Variants in CALN1 observed in about 807,000 individuals in gnomAD.
CALN1 encodes calcium-binding protein 8.
CALN1 carries 17 observed loss-of-function variants against 30.6 expected under a neutral mutation model. The observed-to-expected ratio is 0.56, with a 90% CI of 0.38 to 0.83. CALN1 has a LOEUF of 0.83. CALN1 is among the 40% of genes least tolerant of loss of function. The pLI, the probability that CALN1 is intolerant of heterozygous loss-of-function variation, is 0.00. For missense variants in CALN1, 291 were observed against 354.9 expected (o/e 0.82, Z 1.45); for synonymous variants, 156 against 131.4 (o/e 1.19, Z -1.28).
intron 5 of CALN1, among the ~76,000 whole-genome samples, chr7:71,911,519 T>C (rs1012832518): frequency 3.9e-5 from 6 of 152,196 alleles, no homozygotes; most frequent in African/African-American, 1.4e-4. Flanking sequence ...CTGACATTTC[T>C]AGAACATTGT....
chr7:72,011,838 A>C (rs1012297412), intron 5 of CALN1, among the ~76,000 whole-genome samples: 2 of 151,978 alleles, frequency 1.3e-5, no homozygotes, highest in Admixed American at 6.6e-5. Flanking sequence ...GTAGAGACAA[A>C]AAAATGTTGC....
intron 5 of CALN1, among the ~76,000 whole-genome samples, chr7:71,908,840 C>G (rs1406666577): frequency 6.6e-6 from 1 of 152,172 alleles, no homozygotes; most frequent in Non-Finnish European, 1.5e-5. Flanking sequence ...TCAACTTGGT[C>G]CATTGATTCA....
the CALN1 span, among the ~76,000 whole-genome samples, chr7:72,487,892 A>T: frequency 0.018 from 1,151 of 63,576 alleles, 44 homozygotes; most frequent in African/African-American, 0.061. Context: ...AAGAAAAGAA[A>T]AGAAAGAAAG....
intron 5 of CALN1, among the ~76,000 whole-genome samples, chr7:71,889,000 T>G (rs1287987414): frequency 6.6e-6 from 1 of 152,106 alleles, no homozygotes; most frequent in Non-Finnish European, 1.5e-5. Context: ...TCAGGAAAGG[T>G]AGGAACAACT....
chr7:71,868,346 C>T (rs956615943), intron 5 of CALN1, among the ~76,000 whole-genome samples: 9 of 149,056 alleles, frequency 6.0e-5, no homozygotes, highest in East Asian at 5.9e-4. Context: ...GCAGGAACAG[C>T]GAGAGGGGAG....
chr7:72,327,738 T>A (rs1801378357), intron 2 of CALN1, among the ~76,000 whole-genome samples: 1 of 152,224 alleles, frequency 6.6e-6, no homozygotes, highest in African/African-American at 2.4e-5. Context: ...AAATAAGCTT[T>A]TAATGAATAT....
At chr7:72,107,727 T>G (rs1807276310) in intron 3 of CALN1, among the ~76,000 whole-genome samples, 1 of 152,220 alleles carries the variant, frequency 6.6e-6, no homozygotes, top group Non-Finnish European at 1.5e-5. Flanking sequence ...GCTGCCATTA[T>G]TCACCATGCC....
intron 5 of CALN1, among the ~76,000 whole-genome samples, chr7:72,005,745 C>T (rs144017104): frequency 5.5e-4 from 81 of 147,410 alleles, no homozygotes; most frequent in African/African-American, 1.9e-3. Flanking sequence ...ACAATTTTTG[C>T]AATGGCAAAA....
chr7:71,903,098 C>T (rs1793950379), intron 5 of CALN1, among the ~76,000 whole-genome samples: 1 of 151,630 alleles, frequency 6.6e-6, no homozygotes. Flanking sequence ...GTACAATATA[C>T]TCTCTTCAGA....
intron 1 of CALN1, among the ~76,000 whole-genome samples, chr7:72,446,197 C>T (rs568844691): frequency 6.6e-6 from 1 of 152,160 alleles, no homozygotes; most frequent in Non-Finnish European, 1.5e-5. Context: ...GGGTATGACT[C>T]GGAAAGAGCA....
intron 4 of CALN1, among the ~76,000 whole-genome samples, chr7:72,032,680 T>C (rs1369218592): frequency 6.6e-6 from 1 of 152,208 alleles, no homozygotes; most frequent in Non-Finnish European, 1.5e-5. Context: ...TCAGGAGCTT[T>C]AATGCAAATG....
At position 72,173,751 on chromosome 7, in the gene CALN1, T is replaced by C. The variant is rs769528631; in HGVS notation, c.245-67457A>G. On this transcript the variant is annotated intron_variant, in intron 3 of 6. Transcript: ENST00000395275. ...CCTAAATATCCACATGAGAAAGAAA[T>C]AAACAACCATTTTTTCATCTTGTAT... Among the ~76,000 whole-genome samples the C allele has an allele frequency of 2.6e-5, 4 of 152,042 alleles. No individual in the cohort carries two copies. The South Asian group carries it at 8.3e-4, about 31-fold the overall frequency.
At chr7:72,323,900 C>T (rs1186702862) in intron 2 of CALN1, among the ~76,000 whole-genome samples, 3 of 151,770 alleles carry the variant, frequency 2.0e-5, no homozygotes, top group Admixed American at 1.3e-4. Context: ...AAAAATTAGC[C>T]GGGTGCTGTG....
chr7:72,386,195 C>T (rs1805201625), intron 2 of CALN1, among the ~76,000 whole-genome samples: 1 of 152,098 alleles, frequency 6.6e-6, no homozygotes, highest in Non-Finnish European at 1.5e-5. Flanking sequence ...TTTGTCAAAA[C>T]CCATCGAACT....
chr7:72,078,910 TAGAG>T (rs1007489202), intron 4 of CALN1, among the ~76,000 whole-genome samples: 1 of 152,158 alleles, frequency 6.6e-6, no homozygotes, highest in Non-Finnish European at 1.5e-5. Context: ...GCCTGGGTGA[TAGAG>T]TGAGATTCCG....
chr7:72,182,322 C>T (rs1237768080), intron 3 of CALN1, among the ~76,000 whole-genome samples: 1 of 151,948 alleles, frequency 6.6e-6, no homozygotes. Flanking sequence ...ACAACTATAA[C>T]ACAGTGGGAT....
chr7:72,343,670 A>T (rs796268250), intron 2 of CALN1, among the ~76,000 whole-genome samples: 14 of 152,318 alleles, frequency 9.2e-5, no homozygotes, highest in African/African-American at 3.1e-4. Context: ...TGCCTATGAG[A>T]AAAGGTAAGC....
intron 5 of CALN1, among the ~76,000 whole-genome samples, chr7:71,825,817 G>A (rs1001288915): frequency 2.6e-5 from 4 of 151,912 alleles, no homozygotes; most frequent in African/African-American, 9.7e-5. Flanking sequence ...CTGTTCACTC[G>A]AGGTCAGGAG....
intron 5 of CALN1, among the ~76,000 whole-genome samples, chr7:71,965,692 C>A (rs185486277): frequency 6.6e-6 from 1 of 151,948 alleles, no homozygotes. Flanking sequence ...ATGGTATATG[C>A]ACAACCAAAA....
Sources: allele counts gnomAD v4.1 joint callset (sites outside exome capture counted in the v4.1 genomes callset), GRCh38; gene constraint gnomAD v4.1.1; transcripts MANE v1.5; gene names NCBI Gene and HGNC (gene_info 2026-07-23, HGNC 2026-07-21).